The following MTA3 variants were observed in gnomAD, a reference collection of about 807,000 sequenced individuals.
MTA3 encodes metastasis-associated protein MTA3.
Under a neutral mutation model 83.5 loss-of-function variants are expected in MTA3, and 34 were observed. The ratio of observed to expected loss-of-function variants is 0.41; its 90% CI spans 0.31 to 0.54. MTA3 has a LOEUF of 0.54. Ranked by LOEUF, MTA3 falls within the 20% of genes least tolerant of loss-of-function variation. MTA3 has a pLI of 0.33. For synonymous variants in MTA3, 303 were observed against 252.7 expected, an observed-to-expected ratio of 1.20 and a Z score of -1.89; for missense variants, 761 against 726.4, an observed-to-expected ratio of 1.05 and a Z score of -0.55.
At chr2:42,592,937 G>T (rs760081441) in intron 3 of MTA3, among the ~76,000 whole-genome samples, 3 of 152,064 alleles carry the variant, frequency 2.0e-5, no homozygotes, top group Non-Finnish European at 4.4e-5. Flanking sequence ...GATCAGTTGA[G>T]GTCAGGAGTT....
intron 4 of MTA3, among the ~76,000 whole-genome samples, chr2:42,621,106 T>C (rs72975082): frequency 6.7e-6 from 1 of 149,648 alleles, no homozygotes; most frequent in African/African-American, 2.5e-5. Flanking sequence ...TTTGCAAAAA[T>C]GTGAAACAAT....
intron 9 of MTA3, among the ~76,000 whole-genome samples, chr2:42,683,724 A>G (rs549247355): frequency 2.6e-5 from 4 of 152,102 alleles, no homozygotes; most frequent in Admixed American, 6.5e-5. Context: ...AATAGGGTTC[A>G]TGCTCCCGTG....
chr2:42,631,026 T>C (rs1686621025), intron 4 of MTA3, among the ~76,000 whole-genome samples: 1 of 152,204 alleles, frequency 6.6e-6, no homozygotes. Context: ...GCTGTGAATG[T>C]TAAAAACTTA....
intron 16 of MTA3, among the ~76,000 whole-genome samples, chr2:42,734,575 A>C (rs1262620929): frequency 6.7e-6 from 1 of 149,818 alleles, no homozygotes; most frequent in Non-Finnish European, 1.5e-5. Flanking sequence ...GTAATGACTT[A>C]ATCCTGCCAT....
rs1326645098 is a variant in MTA3, at chr2:42,756,133, A to G, written c.*2734A>G. ...AGGGGCAACCCAGAGGTGGGGAACAACAACAGCAAGCCGCCCCCATCCTGA... is the reference window on the plus strand; with the variant it reads ...AGGGGCAACCCAGAGGTGGGGAACAGCAACAGCAAGCCGCCCCCATCCTGA... On this transcript the variant is annotated 3_prime_UTR_variant, in exon 17 of 17. Coordinates refer to ENST00000405094, the MANE Select transcript of MTA3 (RefSeq NM_001330442.2). 2 of 579,656 alleles carry G rather than the reference A, an allele frequency of 3.5e-6. No individual in the cohort carries two copies. The highest frequency in any genetic ancestry group is 4.4e-6 in the Non-Finnish European group (2 of 458,818). 35.9% of individuals were successfully genotyped at this position (579,656 alleles called of 1,614,324 possible). A position where few individuals can be genotyped will look rare whatever the true frequency, so the allele number is the denominator to read the frequency against.
At position 42,755,405 on chromosome 2, in the gene MTA3, G is replaced by C. The variant is rs1286672414; in HGVS notation, c.*2006G>C. 17 of 985,488 alleles carry C rather than the reference G, an allele frequency of 1.7e-5. No individual in the cohort carries two copies. The East Asian group carries it at 1.6e-3, about 92-fold the overall frequency. The allele number at this position is 985,488 out of a possible 1,614,324, so 61.0% of individuals were successfully genotyped here. Reference sequence around the variant, plus strand: ...GATTTGGAGACAGGAGTCAGGCCAGGTCTGAAGCAGGAGAAGGGAGGCCCC... The same window carrying C: ...GATTTGGAGACAGGAGTCAGGCCAGCTCTGAAGCAGGAGAAGGGAGGCCCC... On this transcript the variant is annotated 3_prime_UTR_variant, in exon 17 of 17. Transcript: ENST00000405094.
chr2:42,503,635 G>T (rs1674497001), intron 2 of MTA3, among the ~76,000 whole-genome samples: 1 of 152,112 alleles, frequency 6.6e-6, no homozygotes, highest in Admixed American at 6.6e-5. Context: ...TACCTTGAAG[G>T]AGCTCAAGAA....
chr2:42,640,605 T>C (rs1255883114), intron 5 of MTA3, among the ~76,000 whole-genome samples: 1 of 152,230 alleles, frequency 6.6e-6, no homozygotes, highest in Non-Finnish European at 1.5e-5. Context: ...TCTTTTAGAC[T>C]GTTTCCAGAT....
At chr2:42,585,844 A>C (rs1680214470) in intron 3 of MTA3, among the ~76,000 whole-genome samples, 1 of 152,160 alleles carries the variant, frequency 6.6e-6, no homozygotes, top group Admixed American at 6.6e-5. Flanking sequence ...AGGGTGAGAT[A>C]GGAGAATCAC....
rs1573499240 is a variant in MTA3, at chr2:42,656,449, T to C, written c.602+147T>C. On this transcript the variant is annotated intron_variant, in intron 7 of 16. Transcript: ENST00000405094. ...TTAGGTAAGAAAGCTTAATACGTTATGCTGCTTCCTAATTTTATTAATTTC... is the reference window on the plus strand; with the variant it reads ...TTAGGTAAGAAAGCTTAATACGTTACGCTGCTTCCTAATTTTATTAATTTC... 7 of 422,850 alleles carry C rather than the reference T, an allele frequency of 1.7e-5. No individual in the cohort carries two copies. The East Asian group carries it at 1.8e-4, about 11-fold the overall frequency. 26.2% of individuals were successfully genotyped at this position (422,850 alleles called of 1,614,324 possible). A position where few individuals can be genotyped will look rare whatever the true frequency, so the allele number is the denominator to read the frequency against.
At chr2:42,718,017 G>A (rs1165622039) in intron 14 of MTA3, among the ~76,000 whole-genome samples, 4 of 151,444 alleles carry the variant, frequency 2.6e-5, no homozygotes, top group Non-Finnish European at 4.4e-5. Context: ...CAATAAAAAA[G>A]CATGAGTGTG....
rs1665870990 is a variant in MTA3, at chr2:42,704,267, A to G, written c.1099A>G (p.Thr367Ala). ...PGAVNGAVGT[T>A]FQPQNPLLGR... ...TGCTGTGAATGGAGCTGTGGGGACC[A>G]CGTTCCAGCCTCAGAATCCTCTCTT... Residue 367 changes from threonine (T) to alanine (A), a missense_variant, in exon 12 of 17, where the codon ACG becomes GCG. Physicochemically the swap from Thr to Ala is moderately conservative, Grantham distance 58. Coordinates refer to ENST00000405094, the MANE Select transcript of MTA3 (RefSeq NM_001330442.2). The G allele has an allele frequency of 1.9e-6, 3 of 1,614,006 alleles. No homozygotes were observed. Among genetic ancestry groups the G allele is most frequent in the Non-Finnish European group, 1.7e-6 (2 of 1,179,870 alleles).
intron 2 of MTA3, among the ~76,000 whole-genome samples, chr2:42,552,111 G>T (rs1328473223): frequency 6.6e-6 from 1 of 152,090 alleles, no homozygotes; most frequent in Non-Finnish European, 1.5e-5. Context: ...TCCCACCTCT[G>T]CCTCCCAAAG....
chr2:42,639,891 T>A (rs1195808329), intron 4 of MTA3, among the ~76,000 whole-genome samples: 2 of 152,160 alleles, frequency 1.3e-5, no homozygotes, highest in Non-Finnish European at 2.9e-5. Flanking sequence ...TTTTCTTGAA[T>A]AAGTAGAAAC....
intron 2 of MTA3, among the ~76,000 whole-genome samples, chr2:42,542,039 G>A (rs773297993): frequency 6.6e-6 from 1 of 152,190 alleles, no homozygotes; most frequent in Non-Finnish European, 1.5e-5. Flanking sequence ...TTCAGTGTGT[G>A]TGCTGTCTCC....
chr2:42,501,053 G>C (rs907631577), intron 2 of MTA3, among the ~76,000 whole-genome samples: 13 of 152,016 alleles, frequency 8.6e-5, no homozygotes, highest in African/African-American at 2.7e-4. Flanking sequence ...CTCATGACCT[G>C]CCCACCTCCG....
chr2:42,719,939 A>G (rs1356541067), intron 15 of MTA3, among the ~76,000 whole-genome samples: 2 of 152,210 alleles, frequency 1.3e-5, no homozygotes, highest in Admixed American at 1.3e-4. Context: ...TGTGCTTCTC[A>G]TAGTTCTTTT....
At chr2:42,564,051 C>G (rs532086455), upstream of MTA3, among the ~76,000 whole-genome samples, 4 of 150,602 alleles carry the variant, frequency 2.7e-5, no homozygotes, top group South Asian at 8.5e-4. Flanking sequence ...TCTTGAACTC[C>G]TGACCTCAGG....
intron 6 of MTA3, among the ~76,000 whole-genome samples, chr2:42,647,811 A>G (rs1350556764): frequency 6.6e-6 from 1 of 152,212 alleles, no homozygotes; most frequent in South Asian, 2.1e-4. Context: ...ACTTGTAATC[A>G]GGCAACTGAG....
Sources: gnomAD v4.1 joint callset for allele counts (sites outside exome capture counted in the v4.1 genomes callset) on GRCh38, gnomAD v4.1.1 for gene constraint, MANE v1.5 for transcripts, NCBI Gene and HGNC (gene_info 2026-07-23, HGNC 2026-07-21) for gene names.